CCDC7: variants seen among roughly 807,000 people sequenced by gnomAD.
CCDC7 encodes coiled-coil domain containing 7, also known as coiled-coil domain-containing protein 7.
In CCDC7, 183 loss-of-function variants were observed where a neutral mutation model predicts 196.9. The ratio of observed to expected loss-of-function variants is 0.93; its 90% CI spans 0.82 to 1.05. CCDC7 has a LOEUF of 1.05. CCDC7 is among the 50% of genes least tolerant of loss of function. CCDC7 has a pLI of 0.00. For missense variants in CCDC7, 1,540 were observed against 1,482.2 expected (o/e 1.04, Z -0.64); for synonymous variants, 525 against 484.6 (o/e 1.08, Z -1.10).
chr10:32,813,153 CAA>C (rs2087553741), intron 30 of CCDC7, among the ~76,000 whole-genome samples: 1 of 152,180 alleles, frequency 6.6e-6, no homozygotes, highest in South Asian at 2.1e-4. Context: ...AGGATTATGA[CAA>C]GTGTCCAACC....
At chr10:32,796,817 C>T (rs78272809) in intron 29 of CCDC7, among the ~76,000 whole-genome samples, 2,403 of 152,108 alleles carry the variant, frequency 0.016, 28 homozygotes, top group Non-Finnish European at 0.026. Context: ...TAATGGATGA[C>T]CCAAATTTAT....
At chr10:32,786,788 T>C (rs1577579) in intron 29 of CCDC7, among the ~76,000 whole-genome samples, 140,810 of 152,146 alleles carry the variant, frequency 0.93, 66,086 homozygotes, top group East Asian at 1. Context: ...AGAAACCACC[T>C]ACTATATTAA....
At chr10:32,854,132 T>A (rs1166542058) in intron 40 of CCDC7, among the ~76,000 whole-genome samples, 1 of 152,188 alleles carries the variant, frequency 6.6e-6, no homozygotes, top group Non-Finnish European at 1.5e-5. Context: ...ACATGTGGTA[T>A]TTGGTTTTCT....
chr10:32,663,419 C>G (rs1244818944), intron 20 of CCDC7, among the ~76,000 whole-genome samples: 1 of 152,076 alleles, frequency 6.6e-6, no homozygotes, highest in Non-Finnish European at 1.5e-5. Flanking sequence ...ACTTTGTTTT[C>G]TGGTTTATCT....
chr10:32,465,935 C>A (rs2036670678), intron 5 of CCDC7, among the ~76,000 whole-genome samples: 4 of 152,172 alleles, frequency 2.6e-5, no homozygotes, highest in African/African-American at 7.2e-5. Flanking sequence ...CAACTCACTT[C>A]CATCTATTCC....
chr10:32,757,934 C>G (rs2076750259), intron 28 of CCDC7, among the ~76,000 whole-genome samples: 1 of 152,162 alleles, frequency 6.6e-6, no homozygotes, highest in Non-Finnish European at 1.5e-5. Context: ...ACCAATCCCA[C>G]AGAAATACAA....
At chr10:32,676,810 G>A (rs910199533) in intron 21 of CCDC7, among the ~76,000 whole-genome samples, 49 of 152,130 alleles carry the variant, frequency 3.2e-4, no homozygotes, top group Non-Finnish European at 1.0e-4. Context: ...AAGGCAGTGT[G>A]GCGATTCCTC....
chr10:32,673,654 C>CATGTGTGTGTGT (rs370654423), intron 21 of CCDC7, among the ~76,000 whole-genome samples: 6 of 147,948 alleles, frequency 4.1e-5, no homozygotes, highest in Non-Finnish European at 7.4e-5. Context: ...CCATTGTGCA[C>CATGTGTGTGTGT]GTGTGTGTGT....
intron 20 of CCDC7, among the ~76,000 whole-genome samples, chr10:32,642,299 C>T (rs1007524291): frequency 3.3e-5 from 5 of 152,214 alleles, no homozygotes; most frequent in Non-Finnish European, 7.3e-5. Flanking sequence ...GGGCTCCACC[C>T]AGTTTGAGTT....
At chr10:32,661,725 CCTA>C (rs1248858774) in intron 20 of CCDC7, among the ~76,000 whole-genome samples, 1 of 152,176 alleles carries the variant, frequency 6.6e-6, no homozygotes, top group African/African-American at 2.4e-5. Context: ...AGTGCCCTAT[CCTA>C]CTGTGGCTGA....
intron 8 of CCDC7, among the ~76,000 whole-genome samples, chr10:32,488,428 C>G (rs11813369): frequency 6.6e-6 from 1 of 152,174 alleles, no homozygotes; most frequent in Non-Finnish European, 1.5e-5. Context: ...ATCCCTTGTG[C>G]TTCCCAGGTG....
At chr10:32,493,727 AT>A (rs200376285) in intron 9 of CCDC7, among the ~76,000 whole-genome samples, 2 of 151,572 alleles carry the variant, frequency 1.3e-5, no homozygotes, top group South Asian at 4.1e-4. Context: ...GATAATAGCC[AT>A]TTTTTTTGAT....
At chr10:32,719,831 A>T (rs901221140) in intron 25 of CCDC7, among the ~76,000 whole-genome samples, 1 of 152,196 alleles carries the variant, frequency 6.6e-6, no homozygotes, top group African/African-American at 2.4e-5. Flanking sequence ...ACCATCTCAC[A>T]TCAATTAGAA....
intron 13 of CCDC7, among the ~76,000 whole-genome samples, chr10:32,561,986 A>T (rs2055766246): frequency 6.6e-6 from 1 of 152,172 alleles, no homozygotes; most frequent in African/African-American, 2.4e-5. Context: ...CCGATCCCAC[A>T]GAAATACAAA....
intron 41 of CCDC7, among the ~76,000 whole-genome samples, chr10:32,859,852 G>C (rs942161683): frequency 6.6e-6 from 1 of 152,092 alleles, no homozygotes; most frequent in Non-Finnish European, 1.5e-5. Flanking sequence ...ACCCTCCCAA[G>C]ACTAAACCAG....
At chr10:32,732,757 A>C (rs929605845) in intron 28 of CCDC7, among the ~76,000 whole-genome samples, 1 of 152,088 alleles carries the variant, frequency 6.6e-6, no homozygotes, top group Non-Finnish European at 1.5e-5. Context: ...CCCCACCTAC[A>C]TGTAGCATTA....
At chr10:32,460,761 A>G (rs1051734946) in intron 3 of CCDC7, among the ~76,000 whole-genome samples, 3 of 152,162 alleles carry the variant, frequency 2.0e-5, no homozygotes, top group African/African-American at 7.2e-5. Flanking sequence ...TGATTCTCAG[A>G]CTTTAGCATG....
rs1285642630 is a variant in CCDC7, at chr10:32,778,906, T to C, written c.2906-71T>C. On this transcript the variant is annotated intron_variant, in intron 28 of 41. Transcript: ENST00000639629. ...GAGATCTTTCACCTTCTTGGTTACA[T>C]GCATTGCTAGGTGTTTCACAAAATG... 7.5e-6 allele frequency: 8 copies of C among 1,064,158 alleles called. No homozygotes were observed. The Admixed American group carries it at 8.6e-5, about 11-fold the overall frequency. The allele number at this position is 1,064,158 out of a possible 1,614,324, so 65.9% of individuals were successfully genotyped here.
At chr10:32,633,809 CAGAAGGTATACTTAG>C (rs1409201305) in intron 18 of CCDC7, among the ~76,000 whole-genome samples, 1 of 150,378 alleles carries the variant, frequency 6.6e-6, no homozygotes, top group Non-Finnish European at 1.5e-5. Flanking sequence ...GAAAAATATG[CAGAAGGTATACTTAG>C]AGCAGTTTCA....
Sources: allele counts gnomAD v4.1 joint callset (sites outside exome capture counted in the v4.1 genomes callset), GRCh38; gene constraint gnomAD v4.1.1; transcripts MANE v1.5; gene names NCBI Gene and HGNC (gene_info 2026-07-23, HGNC 2026-07-21).